Variants in TPGS2 observed in about 807,000 individuals in gnomAD.
TPGS2 encodes the protein tubulin polyglutamylase complex subunit 2.
A neutral mutation model predicts 31.1 loss-of-function variants in TPGS2; 26 were observed. The observed-to-expected ratio is 0.84, with a 90% CI of 0.61 to 1.16. The LOEUF (loss-of-function observed/expected upper bound fraction) is 1.16. TPGS2 is among the 50% of genes most tolerant of loss of function. The probability of loss-of-function intolerance (pLI) is 0.00; values close to 1 mark genes in which losing one functional copy is unlikely to be tolerated. For synonymous variants in TPGS2, 130 were observed against 136.6 expected (o/e 0.95, Z 0.34); for missense variants, 351 against 363.8 (o/e 0.96, Z 0.29).
At chr18:36,819,226 T>C (rs2045792979) in intron 1 of TPGS2, among the ~76,000 whole-genome samples, 1 of 152,320 alleles carries the variant, frequency 6.6e-6, no homozygotes, top group Admixed American at 6.5e-5. Flanking sequence ...TGCTCAGTCA[T>C]TAATCTTATT....
At chr18:36,826,841 A>G (rs1204981419) in intron 1 of TPGS2, among the ~76,000 whole-genome samples, 2 of 152,162 alleles carry the variant, frequency 1.3e-5, no homozygotes, top group Admixed American at 1.3e-4. Flanking sequence ...ATTACATATG[A>G]TGTTAGATGT....
At chr18:36,810,330 CTAATTT>C (rs1371284218) in intron 2 of TPGS2, among the ~76,000 whole-genome samples, 1 of 152,150 alleles carries the variant, frequency 6.6e-6, no homozygotes, top group East Asian at 1.9e-4. Context: ...ACAACCTCTC[CTAATTT>C]TAACGTATCT....
chr18:36,782,051 A>T (rs760456928), downstream of TPGS2: 1 of 562,238 alleles, frequency 1.8e-6, no homozygotes, highest in Non-Finnish European at 2.3e-6. Context: ...CTGAATGCAG[A>T]TTTGGAATGT....
chr18:36,788,129 T>C (rs1475422114), intron 6 of TPGS2, among the ~76,000 whole-genome samples: 2 of 152,232 alleles, frequency 1.3e-5, no homozygotes, highest in East Asian at 3.8e-4. Context: ...TCTGATATTA[T>C]ATTGAAGACG....
chr18:36,807,539 G>T (rs948666179), intron 3 of TPGS2: 15 of 361,030 alleles, frequency 4.2e-5, no homozygotes, highest in Non-Finnish European at 5.5e-5. Flanking sequence ...GCCCTCTGAG[G>T]CTTTAAGTTT....
intron 2 of TPGS2, chr18:36,817,839 G>C (rs756991679): frequency 1.8e-4 from 28 of 152,150 alleles, no homozygotes; most frequent in South Asian, 6.2e-4. Context: ...ATGACTTATG[G>C]GGTAAGTGTT....
rs565404049 is a variant in TPGS2, at chr18:36,818,641, G to A, written c.165+253C>T. On this transcript the variant is annotated intron_variant, in intron 2 of 6. Transcript: ENST00000334295. Reference sequence around the variant, plus strand: ...TTTTCCTTAATTGATTTTTAGCTTTGTTGTACACAACTTTGAATGTCCACT... The same window carrying A: ...TTTTCCTTAATTGATTTTTAGCTTTATTGTACACAACTTTGAATGTCCACT... 118 of 411,064 alleles carry A rather than the reference G, an allele frequency of 2.9e-4. No individual in the cohort carries two copies. In the East Asian group the frequency reaches 4.3e-3, roughly 15 times the overall value. The allele number at this position is 411,064 out of a possible 1,614,324, so 25.5% of individuals were successfully genotyped here. A position where few individuals can be genotyped will look rare whatever the true frequency, so the allele number is the denominator to read the frequency against.
intron 1 of TPGS2, among the ~76,000 whole-genome samples, chr18:36,823,524 G>A (rs1030522310): frequency 1.4e-5 from 2 of 143,176 alleles, no homozygotes; most frequent in African/African-American, 5.3e-5. Flanking sequence ...GCAGTGGCGC[G>A]ATCTCGGCTC....
intron 6 of TPGS2, among the ~76,000 whole-genome samples, chr18:36,786,325 A>G (rs2044125576): frequency 6.6e-6 from 1 of 152,156 alleles, no homozygotes; most frequent in South Asian, 2.1e-4. Flanking sequence ...GGTTCACGCC[A>G]TTCTCCTGCC....
Position 36,828,939 on chromosome 18 carries a change from G to A in TPGS2, c.-172C>T. 1.0e-6 allele frequency: 1 copy of A among 967,618 alleles called. No homozygotes were observed. 59.9% of individuals were successfully genotyped at this position (967,618 alleles called of 1,614,324 possible). On this transcript the variant is annotated 5_prime_UTR_variant, in exon 1 of 7. Coordinates refer to ENST00000334295, the MANE Select transcript of TPGS2 (RefSeq NM_015476.4). ...TCTGACAGCAGCAGCTCCGTGGGGC[G>A]CCGGTTCCCGCGGCCCCGCCCGGTG...
rs2044419997 is a variant in TPGS2, at chr18:36,794,273, A to G, written c.*2532T>C. 5.1e-6 allele frequency: 5 copies of G among 985,348 alleles called. No homozygotes were observed. Among genetic ancestry groups the G allele is most frequent in the Non-Finnish European group, 6.0e-6 (5 of 829,864 alleles). 61.0% of individuals were successfully genotyped at this position (985,348 alleles called of 1,614,324 possible). A position where few individuals can be genotyped will look rare whatever the true frequency, so the allele number is the denominator to read the frequency against. On this transcript the variant is annotated 3_prime_UTR_variant, in exon 7 of 7. Coordinates refer to ENST00000334295, the MANE Select transcript of TPGS2 (RefSeq NM_015476.4). Reference sequence around the variant, plus strand: ...GTTTGCACAAAAGCCTCACATCTTCATTTTGTACTGGATCCTGCACTGAGT... The same window carrying G: ...GTTTGCACAAAAGCCTCACATCTTCGTTTTGTACTGGATCCTGCACTGAGT...
chr18:36,819,079 C>T (rs879393061), intron 1 of TPGS2, 106 bp from the exon 2 acceptor site: 23 of 912,696 alleles, frequency 2.5e-5, no homozygotes, highest in South Asian at 9.6e-5. Context: ...AACATCCAAT[C>T]CTTCTCATGA....
chr18:36,801,954 T>C (rs780701802), intron 4 of TPGS2, among the ~76,000 whole-genome samples: 10 of 152,222 alleles, frequency 6.6e-5, no homozygotes, highest in Non-Finnish European at 8.8e-5. Context: ...CATTATACCA[T>C]ATGTTGTCCC....
intron 6 of TPGS2, among the ~76,000 whole-genome samples, chr18:36,785,059 G>A (rs1166674364): frequency 6.6e-6 from 1 of 152,114 alleles, no homozygotes; most frequent in South Asian, 2.1e-4. Flanking sequence ...AGCACTTTGG[G>A]AGGCCAAGGT....
At chr18:36,804,884 T>C (rs1451557296) in intron 4 of TPGS2, among the ~76,000 whole-genome samples, 1 of 152,104 alleles carries the variant, frequency 6.6e-6, no homozygotes, top group Non-Finnish European at 1.5e-5. Flanking sequence ...TACTCATCTT[T>C]TTTCCTGACA....
At chr18:36,822,625 C>T (rs1358853639) in intron 1 of TPGS2, among the ~76,000 whole-genome samples, 1 of 152,148 alleles carries the variant, frequency 6.6e-6, no homozygotes, top group Non-Finnish European at 1.5e-5. Flanking sequence ...GAGACAGGGT[C>T]TTGCTGTCAC....
At chr18:36,806,455 A>T (rs754464167) in intron 3 of TPGS2, among the ~76,000 whole-genome samples, 8 of 152,198 alleles carry the variant, frequency 5.3e-5, no homozygotes, top group Non-Finnish European at 8.8e-5. Context: ...CGGCCATGCT[A>T]TAAAAGAAGG....
chr18:36,805,702 G>A (rs1429838917), intron 3 of TPGS2, among the ~76,000 whole-genome samples, 200 bp from the exon 4 acceptor site: 4 of 152,156 alleles, frequency 2.6e-5, no homozygotes, highest in Non-Finnish European at 5.9e-5. Flanking sequence ...GGAACTGGGG[G>A]CCACGGGTGA....
intron 3 of TPGS2, chr18:36,807,527 GAGCCCT>G (rs2045215048): frequency 3.1e-6 from 1 of 323,974 alleles, no homozygotes. Context: ...CTTGGAGGTA[GAGCCCT>G]CTGAGGCTTT....
Sources: gnomAD v4.1 joint callset for allele counts (sites outside exome capture counted in the v4.1 genomes callset) on GRCh38, gnomAD v4.1.1 for gene constraint, MANE v1.5 for transcripts, NCBI Gene and HGNC (gene_info 2026-07-23, HGNC 2026-07-21) for gene names.